STK36: variants seen among roughly 807,000 people sequenced by gnomAD.
The protein encoded by STK36 is serine/threonine kinase 36, also known as serine/threonine-protein kinase 36.
A neutral mutation model predicts 142.2 loss-of-function variants in STK36; 116 were observed. The ratio of observed to expected loss-of-function variants is 0.82; its 90% CI spans 0.70 to 0.95. STK36 has a LOEUF of 0.95. Ranked by LOEUF, STK36 falls within the 40% of genes least tolerant of loss-of-function variation. The pLI, the probability that STK36 is intolerant of heterozygous loss-of-function variation, is 0.00. For missense variants in STK36, 1,422 were observed against 1,617.2 expected (o/e 0.88, Z 2.07); for synonymous variants, 619 against 641.7 (o/e 0.96, Z 0.53).
At chr2:218,699,477 A>G (rs1941367054) in intron 26 of STK36, 129 bp downstream of exon 26, 3 of 1,352,068 alleles carry the variant, frequency 2.2e-6, no homozygotes, top group Admixed American at 2.8e-5. Flanking sequence ...TCCCAGGGAC[A>G]GTGTCTTGGA....
intron 2 of STK36, chr2:218,673,312 C>CT: frequency 4.9e-6 from 2 of 411,018 alleles, no homozygotes; most frequent in Non-Finnish European, 8.6e-6. Flanking sequence ...CACTTGAACT[C>CT]TATTATTTCC....
intron 4 of STK36, among the ~76,000 whole-genome samples, chr2:218,674,916 C>G (rs1222730001): frequency 6.6e-6 from 1 of 152,144 alleles, no homozygotes; most frequent in African/African-American, 2.4e-5. Flanking sequence ...TTTGTTTTAT[C>G]TGTCTTGTTT....
intron 16 of STK36, 124 bp from the exon 17 acceptor site, chr2:218,693,116 G>A: frequency 1.2e-6 from 1 of 824,590 alleles, no homozygotes; most frequent in Non-Finnish European, 1.9e-6. Flanking sequence ...GGGGTCTGAG[G>A]TTTCTGGTGA....
chr2:218,697,478 T>C lies in STK36; in HGVS notation c.2777T>C (p.Leu926Pro), dbSNP rs1214692726. 1.2e-6 allele frequency: 2 copies of C among 1,614,232 alleles called. No homozygotes were observed. The highest frequency in any genetic ancestry group is 1.1e-5 in the South Asian group (1 of 91,082). ...GTGTTACCAGGCATGGCAGCCCTGC[T>C]GAGCCTGGCCATGGCCACCTTTACC... is the stretch of plus-strand genomic sequence containing the variant. The part of the protein sequence containing the change: ...LISPQGMAAL[L>P]SLAMATFTQE... Residue 926 changes from leucine to proline, a missense_variant, in exon 24 of 27, where the codon CTG (leucine) becomes CCG (proline). Coordinates refer to ENST00000295709, the MANE Select transcript of STK36 (RefSeq NM_015690.5).
rs923265567 is a variant in STK36, at chr2:218,673,720, TC to T, written c.183del (p.Asn62ThrfsTer18). ...TTGAAATAATGCGGGGTCTGCGGCA[TC>T]CCAACATTGTGCATATGCTTGACAG... ...EIEIMRGLRH[P>X]NIVHMLDSFE... On this transcript the variant is annotated frameshift_variant, in exon 3 of 27. Coordinates refer to ENST00000295709, the MANE Select transcript of STK36 (RefSeq NM_015690.5). LOFTEE classifies it high-confidence loss of function. 6 of 1,614,074 alleles carry T rather than the reference TC, an allele frequency of 3.7e-6. No individual in the cohort carries two copies. The Admixed American group carries it at 6.7e-5, about 18-fold the overall frequency.
At chr2:218,700,441 G>A (rs1252455733) in intron 26 of STK36, among the ~76,000 whole-genome samples, 1 of 151,478 alleles carries the variant, frequency 6.6e-6, no homozygotes, top group Non-Finnish European at 1.5e-5. Context: ...TCGCTCTGTT[G>A]CCCAGGCTGG....
rs969730904 is a variant in STK36 at position 218,673,929 on chromosome 2, A to C, written c.276A>C (p.Glu92Asp). 1 of 1,613,996 alleles carries C rather than the reference A, an allele frequency of 6.2e-7. No homozygotes were observed. Among genetic ancestry groups the C allele is most frequent in the African/African-American group, 1.3e-5 (1 of 74,924 alleles). The change falls in exon 4 of 27, where the codon GAA (glutamate) becomes GAC (aspartate). Residue 92 changes from glutamate to aspartate, a missense_variant. This residue lies in a region of STK36 where 460 missense variants were observed against 449.6 expected (regional missense o/e 1.02). Coordinates refer to ENST00000295709, the MANE Select transcript of STK36 (RefSeq NM_015690.5). Reference protein sequence around the residue: ...YAEGELFQILEDDGKLPEDQV... With the variant: ...YAEGELFQILDDDGKLPEDQV... ...AGGGAGAGCTCTTTCAGATCCTAGAAGATGACGGAAAACTTCCTGAAGACC... is the reference window on the plus strand; with the variant it reads ...AGGGAGAGCTCTTTCAGATCCTAGACGATGACGGAAAACTTCCTGAAGACC...
chr2:218,685,691 T>TAGTGTAA (rs1940744603), intron 11 of STK36, among the ~76,000 whole-genome samples: 1 of 152,190 alleles, frequency 6.6e-6, no homozygotes. Context: ...CATTCAAAGT[T>TAGTGTAA]AGTGTAAAGT....
chr2:218,696,642 G>A (rs774997872), intron 22 of STK36, 41 bp downstream of exon 22: 2 of 1,601,576 alleles, frequency 1.2e-6, no homozygotes, highest in Admixed American at 1.7e-5. Flanking sequence ...TAAAGAGAGA[G>A]GAACTGGGCA....
chr2:218,693,718 C>T lies in STK36; in HGVS notation c.2149-5C>T. 3.1e-6 allele frequency: 5 copies of T among 1,613,536 alleles called. No individual in the cohort carries two copies. Among genetic ancestry groups the T allele is most frequent in the Non-Finnish European group, 4.2e-6 (5 of 1,179,842 alleles). On this transcript the variant is annotated splice_polypyrimidine_tract_variant and splice_region_variant and intron_variant, in intron 17 of 26. Transcript: ENST00000295709. ...TCACTGCCAGACTCCTTCCTTCTCC[C>T]TCAGGTTCTATACTCCTGCTGCCTT...
At chr2:218,686,935 T>C (rs988315309) in intron 11 of STK36, among the ~76,000 whole-genome samples, 1 of 152,242 alleles carries the variant, frequency 6.6e-6, no homozygotes, top group Non-Finnish European at 1.5e-5. Flanking sequence ...CTTGTTATTG[T>C]CTAACTTTTT....
chr2:218,676,123 T>C lies in STK36; in HGVS notation c.529T>C (p.Tyr177His), dbSNP rs750310667. ...TCCAGAGCTGGTGGAGGAGCGACCA[T>C]ACGACCACACAGCGGACCTCTGGTC... is the stretch of plus-strand genomic sequence containing the variant. ...MSPELVEERP[Y>H]DHTADLWSVG... The change falls in exon 6 of 27, where the codon TAC becomes CAC. Residue 177 changes from tyrosine to histidine, a missense_variant. By Grantham distance (83) the Tyr-to-His change is moderately conservative. Around this residue, in one of 2 missense-constraint regions of STK36, gnomAD observed 460 missense variants for 449.6 expected, o/e 1.02. Coordinates refer to ENST00000295709, the MANE Select transcript of STK36 (RefSeq NM_015690.5). 2.5e-6 allele frequency: 4 copies of C among 1,614,074 alleles called. No individual in the cohort carries two copies. In the South Asian group the frequency reaches 4.4e-5, roughly 18 times the overall value.
Position 218,699,304 on chromosome 2 carries a change from C to T in STK36, c.3760C>T (p.Leu1254Phe), listed in dbSNP as rs1397162878. ...CCAGCCAAATGTGAAGGAGGCTGCCCTCATTGCCCTCCGGAGCCTGCAACA... is the reference window on the plus strand; with the variant it reads ...CCAGCCAAATGTGAAGGAGGCTGCCTTCATTGCCCTCCGGAGCCTGCAACA... The part of the protein sequence containing the change: ...DPQPNVKEAA[L>F]IALRSLQQEP... The change falls in exon 26 of 27, where the codon CTC becomes TTC. Residue 1254 changes from leucine to phenylalanine, a missense_variant. Around this residue, in one of 2 missense-constraint regions of STK36, gnomAD observed 962 missense variants for 1,167.5 expected, o/e 0.82. Coordinates refer to ENST00000295709, the MANE Select transcript of STK36 (RefSeq NM_015690.5). 3 of 1,614,040 alleles carry T rather than the reference C, an allele frequency of 1.9e-6. No individual in the cohort carries two copies. The highest frequency in any genetic ancestry group is 2.5e-6 in the Non-Finnish European group (3 of 1,180,016).
intron 22 of STK36, 164 bp downstream of exon 22, chr2:218,696,765 C>G: frequency 1.1e-6 from 1 of 931,602 alleles, no homozygotes; most frequent in South Asian, 1.3e-5. Context: ...AGTACTGACC[C>G]TTTGAAGGAA....
At chr2:218,683,722 C>T (rs1294258279) in intron 10 of STK36, among the ~76,000 whole-genome samples, 1 of 152,258 alleles carries the variant, frequency 6.6e-6, no homozygotes, top group East Asian at 1.9e-4. Context: ...TCTCCCAGTG[C>T]TATCCCTCCC....
intron 10 of STK36, 102 bp from the exon 11 acceptor site, chr2:218,684,983 C>T: frequency 6.8e-7 from 1 of 1,471,266 alleles, no homozygotes; most frequent in Non-Finnish European, 9.3e-7. Flanking sequence ...GTCACTGGCT[C>T]CTTGCAGTTA....
Position 218,676,085 on chromosome 2 carries a change from C to T in STK36, c.491C>T (p.Pro164Leu). Reference sequence around the variant, plus strand: ...GTGCTGACATCCATCAAAGGCACACCACTCTATATGTCTCCAGAGCTGGTG... The same window carrying T: ...GTGCTGACATCCATCAAAGGCACACTACTCTATATGTCTCCAGAGCTGGTG... Reference protein sequence around the residue: ...TMVLTSIKGTPLYMSPELVEE... With the variant: ...TMVLTSIKGTLLYMSPELVEE... Residue 164 changes from proline to leucine, a missense_variant, in exon 6 of 27, where the codon CCA (proline) becomes CTA (leucine). Physicochemically the swap from Pro to Leu is moderately conservative, Grantham distance 98. Around this residue, in one of 2 missense-constraint regions of STK36, gnomAD observed 460 missense variants for 449.6 expected, o/e 1.02. Transcript: ENST00000295709. 6.2e-7 allele frequency: 1 copy of T among 1,614,106 alleles called. No homozygotes were observed. The highest frequency in any genetic ancestry group is 1.1e-5 in the South Asian group (1 of 91,068).
At chr2:218,673,012 C>T in intron 2 of STK36, 99 bp downstream of exon 2, 3 of 1,105,102 alleles carry the variant, frequency 2.7e-6, no homozygotes, top group Non-Finnish European at 4.1e-6. Context: ...AGTTTGTATT[C>T]CTAAGGTACT....
intron 10 of STK36, among the ~76,000 whole-genome samples, chr2:218,681,863 T>G (rs1028353210): frequency 6.6e-6 from 1 of 152,368 alleles, no homozygotes; most frequent in South Asian, 2.1e-4. Context: ...CAATGGGGAT[T>G]AAGTTTCTAA....
Sources: allele counts gnomAD v4.1 joint callset (sites outside exome capture counted in the v4.1 genomes callset), GRCh38; gene constraint gnomAD v4.1.1; regional missense constraint gnomAD v4.1.1; transcripts MANE v1.5; gene names NCBI Gene and HGNC (gene_info 2026-07-23, HGNC 2026-07-21).